LAMC3: variants seen among roughly 807,000 people sequenced by gnomAD.
The protein encoded by LAMC3 is laminin subunit gamma-3.
Under a neutral mutation model 173.8 loss-of-function variants are expected in LAMC3, and 128 were observed. That is an observed-to-expected ratio of 0.74 (90% confidence interval 0.64 to 0.85). LAMC3 has a LOEUF of 0.85. Among genes scored for constraint, LAMC3 ranks in the 40% least tolerant of loss-of-function variants. The pLI is 0.00. For missense variants in LAMC3, 2,022 were observed against 2,156.0 expected, an observed-to-expected ratio of 0.94 and a Z score of 1.23; for synonymous variants, 897 against 909.1, an observed-to-expected ratio of 0.99 and a Z score of 0.24.
In LAMC3 at chr9:131,056,912, C is replaced by G. The variant is rs777006228; in HGVS notation, c.1940-17C>G. The G allele has an allele frequency of 6.2e-7, 1 of 1,605,332 alleles. No individual in the cohort carries two copies. Among genetic ancestry groups the G allele is most frequent in the Non-Finnish European group, 8.5e-7 (1 of 1,175,858 alleles). On this transcript the variant is annotated splice_polypyrimidine_tract_variant and intron_variant, in intron 11 of 27. Coordinates refer to ENST00000361069, the MANE Select transcript of LAMC3 (RefSeq NM_006059.4). ...GCTTGTGCCTCCTCTCTTCCTCTCT[C>G]CCTTCTCGCTCTGCAGGTCCAGTGT... is the stretch of plus-strand genomic sequence containing the variant.
In LAMC3 at chr9:131,050,541, G is replaced by C. The variant is rs55903704; in HGVS notation, c.1630+1411G>C. Among the ~76,000 whole-genome samples, 685 of 152,210 alleles carry C rather than the reference G, an allele frequency of 4.5e-3. 5 individuals are homozygous for C. Among genetic ancestry groups the C allele is most frequent in the African/African-American group, 0.015 (641 of 41,534 alleles). On this transcript the variant is annotated intron_variant, in intron 9 of 27. Coordinates refer to ENST00000361069, the MANE Select transcript of LAMC3 (RefSeq NM_006059.4). ...CACTTTGGGAGGCTGAGGTTGGGGG[G>C]GATCTTCTGAGGTCAGGAGTTCAAG...
chr9:131,041,848 T>A, intron 7 of LAMC3, 113 bp downstream of exon 7: 1 of 871,698 alleles, frequency 1.1e-6, no homozygotes, highest in Non-Finnish European at 1.9e-6. Flanking sequence ...TTCATGGACT[T>A]GGGTGACCTT....
intron 1 of LAMC3, among the ~76,000 whole-genome samples, chr9:131,015,916 C>G (rs1172927298): frequency 6.6e-6 from 1 of 152,176 alleles, no homozygotes; most frequent in African/African-American, 2.4e-5. Flanking sequence ...CCTCTGTCTC[C>G]CAAAGTGCTG....
chr9:131,077,225 C>T lies in LAMC3; in HGVS notation c.3668C>T (p.Thr1223Met), dbSNP rs758311960. 14 of 1,613,816 alleles carry T rather than the reference C, an allele frequency of 8.7e-6. No individual in the cohort carries two copies. The South Asian group carries it at 9.9e-5, about 11-fold the overall frequency. The change falls in exon 22 of 28, where the codon ACG becomes ATG. Residue 1223 changes from threonine to methionine, a missense_variant. Transcript: ENST00000361069. ...CAGGCGGCCCAGAAAGCACTGAGGA[C>T]GGCTGTGGCAGAGGTGCTGCCTGAA... ...EVQAAQKALR[T>M]AVAEVLPEAE... is the part of the protein sequence containing the mutation.
chr9:131,020,983 C>T (rs1833613799), intron 1 of LAMC3, among the ~76,000 whole-genome samples: 1 of 152,086 alleles, frequency 6.6e-6, no homozygotes, highest in Non-Finnish European at 1.5e-5. Flanking sequence ...GAGTCTCTGG[C>T]TTCTTTTAAT....
chr9:131,083,188 C>T (rs1026033302), intron 24 of LAMC3, among the ~76,000 whole-genome samples: 1 of 152,206 alleles, frequency 6.6e-6, no homozygotes, highest in African/African-American at 2.4e-5. Context: ...GACTCGCCCA[C>T]CCTCAGCTTG....
intron 22 of LAMC3, among the ~76,000 whole-genome samples, chr9:131,078,787 T>C (rs1454554331): frequency 6.6e-6 from 1 of 152,178 alleles, no homozygotes; most frequent in Non-Finnish European, 1.5e-5. Context: ...GCATTCCCAC[T>C]TTGCAGTGGG....
chr9:131,072,935 C>G (rs1320570832), intron 19 of LAMC3, 100 bp downstream of exon 19: 1 of 1,061,216 alleles, frequency 9.4e-7, no homozygotes, highest in Non-Finnish European at 1.4e-6. Context: ...TGACTCCCCA[C>G]TTTGGGAGGC....
chr9:131,041,668 G>A lies in LAMC3; in HGVS notation c.1315G>A (p.Asp439Asn), dbSNP rs752093652. The A allele has an allele frequency of 1.9e-6, 3 of 1,614,142 alleles. No individual in the cohort carries two copies. The South Asian group carries it at 3.3e-5, about 18-fold the overall frequency. ...CACTTGCAATCCCGCTGGCAGCCTGGACACCTGTGACCCCCGCAGTGGGCG... is the reference window on the plus strand; with the variant it reads ...CACTTGCAATCCCGCTGGCAGCCTGAACACCTGTGACCCCCGCAGTGGGCG... ...PCTCNPAGSL[D>N]TCDPRSGRCP... is the part of the protein sequence containing the mutation. The change falls in exon 7 of 28, where the codon GAC becomes AAC. Residue 439 changes from aspartate to asparagine, a missense_variant. Physicochemically the swap from Asp to Asn is conservative, Grantham distance 23. Transcript: ENST00000361069.
rs1352530235 is a variant in LAMC3, at chr9:131,093,539, C to T, written c.*1752C>T. 6 of 152,330 alleles carry T rather than the reference C, an allele frequency of 3.9e-5. No homozygotes were observed. Among genetic ancestry groups the T allele is most frequent in the African/African-American group, 1.4e-4 (6 of 41,456 alleles). 9.4% of individuals were successfully genotyped at this position (152,330 alleles called of 1,614,324 possible). A position where few individuals can be genotyped will look rare whatever the true frequency, so the allele number is the denominator to read the frequency against. On this transcript the variant is annotated 3_prime_UTR_variant, in exon 28 of 28. Coordinates refer to ENST00000361069, the MANE Select transcript of LAMC3 (RefSeq NM_006059.4). ...TCGGCCAGCTTGCATCACTCCAGGA[C>T]CCCAGGTTGAATGGGGTGGGATGTT...
Position 131,061,019 on chromosome 9 carries a change from T to C in LAMC3, c.2159-16T>C. On this transcript the variant is annotated splice_polypyrimidine_tract_variant and intron_variant, in intron 12 of 27. Coordinates refer to ENST00000361069, the MANE Select transcript of LAMC3 (RefSeq NM_006059.4). ...GCATTCTGGGTTCAGACAGTGGTGC[T>C]TGTCTTGCCCCTCAGGGATCTGTGT... 1 of 1,613,736 alleles carries C rather than the reference T, an allele frequency of 6.2e-7. No homozygotes were observed. The highest frequency in any genetic ancestry group is 1.6e-4 in the Middle Eastern group (1 of 6,062).
intron 19 of LAMC3, 38 bp from the exon 20 acceptor site, chr9:131,073,207 G>A (rs746326904): frequency 1.3e-6 from 2 of 1,501,698 alleles, no homozygotes; most frequent in Admixed American, 1.7e-5. Flanking sequence ...CTTTGGCGAT[G>A]GGCCATCAGT....
Position 131,082,093 on chromosome 9 carries a change from C to A in LAMC3, c.3962C>A (p.Ala1321Asp). 1.2e-6 allele frequency: 2 copies of A among 1,614,000 alleles called. No homozygotes were observed. The highest frequency in any genetic ancestry group is 2.2e-5 in the South Asian group (2 of 91,064). Reference protein sequence around the residue: ...HQEARAALTQASSSVQAATVT... With the variant: ...HQEARAALTQDSSSVQAATVT... ...GAGGCCAGAGCCGCCCTGACCCAGGCTTCCTCATCTGTCCAGGCTGCGACA... is the reference window on the plus strand; with the variant it reads ...GAGGCCAGAGCCGCCCTGACCCAGGATTCCTCATCTGTCCAGGCTGCGACA... The change falls in exon 24 of 28, where the codon GCT becomes GAT. Residue 1321 changes from alanine to aspartate, a missense_variant. Coordinates refer to ENST00000361069, the MANE Select transcript of LAMC3 (RefSeq NM_006059.4).
chr9:131,051,193 G>A (rs986283979), intron 9 of LAMC3, among the ~76,000 whole-genome samples: 9 of 152,230 alleles, frequency 5.9e-5, no homozygotes, highest in Non-Finnish European at 1.3e-4. Context: ...TTCCCAAATA[G>A]GGGGAAGTAC....
chr9:131,034,866 G>C (rs1205237663), intron 3 of LAMC3, among the ~76,000 whole-genome samples: 1 of 152,248 alleles, frequency 6.6e-6, no homozygotes, highest in Non-Finnish European at 1.5e-5. Flanking sequence ...GTGTGGAATG[G>C]GGCCACAGGC....
intron 13 of LAMC3, among the ~76,000 whole-genome samples, chr9:131,064,655 C>T (rs542950254): frequency 2.8e-4 from 34 of 119,714 alleles, no homozygotes; most frequent in Admixed American, 4.2e-4. Flanking sequence ...AAGAGCGAGA[C>T]TCCGTCTCCA....
chr9:131,063,644 C>G (rs1369058012), intron 13 of LAMC3, among the ~76,000 whole-genome samples: 1 of 152,226 alleles, frequency 6.6e-6, no homozygotes, highest in Admixed American at 6.5e-5. Flanking sequence ...GCCTGCCATC[C>G]TGGCCCCTTG....
At position 131,063,073 on chromosome 9, in the gene LAMC3, C is replaced by T. The variant is rs541693755; in HGVS notation, c.2347+1850C>T. On this transcript the variant is annotated intron_variant, in intron 13 of 27. Transcript: ENST00000361069. ...TAAGATTCCTAGACATCTGATTTTGCTTTTGGTACGTGTGGCTGCATTAAA... is the reference window on the plus strand; with the variant it reads ...TAAGATTCCTAGACATCTGATTTTGTTTTTGGTACGTGTGGCTGCATTAAA... Among the ~76,000 whole-genome samples the T allele has an allele frequency of 1.2e-4, 19 of 152,274 alleles. No individual in the cohort carries two copies. The East Asian group carries it at 3.5e-3, about 28-fold the overall frequency.
chr9:131,046,530 T>A lies in LAMC3; in HGVS notation c.1519+870T>A, dbSNP rs1227443170. On this transcript the variant is annotated intron_variant, in intron 8 of 27. Coordinates refer to ENST00000361069, the MANE Select transcript of LAMC3 (RefSeq NM_006059.4). ...AGCTAATTTTTGTATTTTTTTTTTT[T>A]TTTTTTTTTTTTTTGTACAGACGGG... 2.5e-3 allele frequency among the ~76,000 whole-genome samples: 312 copies of A among 125,370 alleles called. 6 individuals are homozygous for A. Among genetic ancestry groups the A allele is most frequent in the African/African-American group, 8.8e-3 (293 of 33,470 alleles). 82.2% of individuals were successfully genotyped at this position (125,370 alleles called of 152,430 possible).
Sources: gnomAD v4.1 joint callset for allele counts (sites outside exome capture counted in the v4.1 genomes callset) on GRCh38, gnomAD v4.1.1 for gene constraint, MANE v1.5 for transcripts, NCBI Gene and HGNC (gene_info 2026-07-23, HGNC 2026-07-21) for gene names.